CNTN5: variants seen among roughly 807,000 people sequenced by gnomAD.
CNTN5 encodes contactin-5.
A neutral mutation model predicts 129.1 loss-of-function variants in CNTN5; 77 were observed. That is an observed-to-expected ratio of 0.60 (90% CI 0.50 to 0.72). The LOEUF is 0.72. CNTN5 is among the 30% of genes least tolerant of loss of function. The pLI is 0.00. For missense variants in CNTN5, 1,478 were observed against 1,328.8 expected (o/e 1.11, Z -1.75); for synonymous variants, 509 against 465.6 (o/e 1.09, Z -1.20).
At chr11:100,222,488 A>C (rs894012777) in intron 15 of CNTN5, among the ~76,000 whole-genome samples, 1 of 152,154 alleles carries the variant, frequency 6.6e-6, no homozygotes, top group Non-Finnish European at 1.5e-5. Flanking sequence ...TAAATAAATT[A>C]TTTGGGAAGA....
rs1168922250 is a variant in CNTN5, at chr11:100,352,143, A to T, written c.3199+1273A>T. ...GTATTAAGCCTAGTACCCATTAGTT[A>T]TTTTTCCTGATCCTCTCCCTCCTCC... On this transcript the variant is annotated intron_variant, in intron 24 of 24. Coordinates refer to ENST00000524871, the MANE Select transcript of CNTN5 (RefSeq NM_014361.4). Among the ~76,000 whole-genome samples, 6 of 151,484 alleles carry T rather than the reference A, an allele frequency of 4.0e-5. No individual in the cohort carries two copies. The Admixed American group carries it at 4.0e-4, about 10-fold the overall frequency.
intron 16 of CNTN5, among the ~76,000 whole-genome samples, chr11:100,229,658 T>C (rs1591415181): frequency 6.6e-6 from 1 of 152,254 alleles, no homozygotes; most frequent in African/African-American, 2.4e-5. Context: ...ATGTTTCTAA[T>C]ATATTGTTAG....
chr11:99,723,765 TGTGTGTGCATGCGTGTGCATGCGCACGC>T (rs150761023), intron 3 of CNTN5, among the ~76,000 whole-genome samples: 4,361 of 152,238 alleles, frequency 0.029, 76 homozygotes, highest in South Asian at 0.043. Flanking sequence ...TGTGTGTATG[TGTGTGTGCATGCGTGTGCATGCGCACGC>T]GTGTGTGTTT....
chr11:99,053,308 G>C (rs903844847), intron 1 of CNTN5, among the ~76,000 whole-genome samples: 1 of 151,832 alleles, frequency 6.6e-6, no homozygotes, highest in Admixed American at 6.6e-5. Flanking sequence ...AAGTTCAATC[G>C]ACTTTCATAG....
chr11:99,523,143 C>G (rs558232026), intron 2 of CNTN5, among the ~76,000 whole-genome samples: 1 of 152,182 alleles, frequency 6.6e-6, no homozygotes, highest in Non-Finnish European at 1.5e-5. Flanking sequence ...TCTTTTACCC[C>G]GTACAGCCTT....
At chr11:99,146,731 AT>A (rs1412062102) in intron 1 of CNTN5, among the ~76,000 whole-genome samples, 3 of 151,984 alleles carry the variant, frequency 2.0e-5, no homozygotes, top group East Asian at 1.9e-4. Context: ...TACACTTTTT[AT>A]TTTTTTTAAG....
At chr11:99,210,588 A>G (rs904439162) in intron 1 of CNTN5, among the ~76,000 whole-genome samples, 2 of 152,144 alleles carry the variant, frequency 1.3e-5, no homozygotes, top group African/African-American at 2.4e-5. Context: ...CCGATTTCAC[A>G]TATTATCTTT....
At chr11:99,449,802 C>A (rs1037103384) in intron 2 of CNTN5, among the ~76,000 whole-genome samples, 1 of 152,158 alleles carries the variant, frequency 6.6e-6, no homozygotes, top group South Asian at 2.1e-4. Context: ...GCTTATAAAA[C>A]CTCTATTGGT....
intron 16 of CNTN5, among the ~76,000 whole-genome samples, chr11:100,253,960 C>T (rs1950019776): frequency 1.3e-5 from 2 of 152,084 alleles, no homozygotes; most frequent in Non-Finnish European, 2.9e-5. Flanking sequence ...GTCTCCTTGA[C>T]TCCTTTTTTT....
At chr11:99,750,384 G>A (rs1452808147) in intron 3 of CNTN5, among the ~76,000 whole-genome samples, 1 of 152,098 alleles carries the variant, frequency 6.6e-6, no homozygotes, top group African/African-American at 2.4e-5. Context: ...CATTTTACTT[G>A]TAGAGCACCA....
rs185331979 is a variant in CNTN5 at position 99,039,960 on chromosome 11, G to C, written c.-210+18690G>C. Among the ~76,000 whole-genome samples, 568 of 152,224 alleles carry C rather than the reference G, an allele frequency of 3.7e-3. 3 individuals carry two copies. Among genetic ancestry groups the C allele is most frequent in the African/African-American group, 0.013 (537 of 41,550 alleles). On this transcript the variant is annotated intron_variant, in intron 1 of 24. Transcript: ENST00000524871. ...TCTATATTTGTTTTTAATTTGTTCA[G>C]TAATTTTAGGCAATAGATTATTGTT...
chr11:100,182,215 T>G (rs1245983321), intron 13 of CNTN5, among the ~76,000 whole-genome samples: 1 of 152,016 alleles, frequency 6.6e-6, no homozygotes, highest in Non-Finnish European at 1.5e-5. Flanking sequence ...AGTGTTTTAG[T>G]TTGGGCAGCT....
At chr11:100,056,388 C>T (rs1943224070) in intron 9 of CNTN5, among the ~76,000 whole-genome samples, 1 of 150,340 alleles carries the variant, frequency 6.7e-6, no homozygotes, top group African/African-American at 2.4e-5. Context: ...AACCATTTGC[C>T]ATTTAGAGGA....
At chr11:99,218,976 C>A (rs546144613) in intron 1 of CNTN5, among the ~76,000 whole-genome samples, 1 of 152,070 alleles carries the variant, frequency 6.6e-6, no homozygotes, top group South Asian at 2.1e-4. Context: ...AGATAGAAGA[C>A]GCTTAGATTT....
intron 3 of CNTN5, among the ~76,000 whole-genome samples, chr11:99,582,160 C>G (rs185895706): frequency 0.041 from 6,179 of 152,236 alleles, 162 homozygotes; most frequent in South Asian, 0.086. Context: ...GGCCCCCACT[C>G]TCTTCTTGCT....
At chr11:99,951,135 T>C (rs1299899562) in intron 7 of CNTN5, among the ~76,000 whole-genome samples, 3 of 152,134 alleles carry the variant, frequency 2.0e-5, no homozygotes, top group Non-Finnish European at 2.9e-5. Context: ...ATGTAGTTAG[T>C]AGGTCATGCA....
intron 3 of CNTN5, among the ~76,000 whole-genome samples, chr11:99,581,136 G>A (rs1425330754): frequency 7.1e-6 from 1 of 140,090 alleles, no homozygotes; most frequent in African/African-American, 2.8e-5. Flanking sequence ...ATGTAGTTGA[G>A]CAGTTTTGAG....
intron 6 of CNTN5, among the ~76,000 whole-genome samples, chr11:99,853,279 A>G (rs1010301552): frequency 6.6e-6 from 1 of 152,172 alleles, no homozygotes; most frequent in Non-Finnish European, 1.5e-5. Context: ...TGTGTAACGA[A>G]TAGATAGACG....
At chr11:99,098,678 A>C (rs1247478203) in intron 1 of CNTN5, among the ~76,000 whole-genome samples, 1 of 152,152 alleles carries the variant, frequency 6.6e-6, no homozygotes, top group Non-Finnish European at 1.5e-5. Context: ...TAAAGACAAT[A>C]ATGAGTCACT....
Sources: allele counts gnomAD v4.1 joint callset (sites outside exome capture counted in the v4.1 genomes callset), GRCh38; gene constraint gnomAD v4.1.1; transcripts MANE v1.5; gene names NCBI Gene and HGNC (gene_info 2026-07-23, HGNC 2026-07-21).